SRGAP3: variants seen among roughly 807,000 people sequenced by gnomAD.
The protein encoded by SRGAP3 is SLIT-ROBO Rho GTPase activating protein 3.
In SRGAP3, 39 loss-of-function variants were observed where a neutral mutation model predicts 121.1. The ratio of observed to expected loss-of-function variants is 0.32; its 90% CI spans 0.25 to 0.42. The LOEUF is 0.42. Among genes scored for constraint, SRGAP3 ranks in the 10% least tolerant of loss-of-function variants. The pLI, the probability that SRGAP3 is intolerant of heterozygous loss-of-function variation, is 1.00. For synonymous variants in SRGAP3, 601 were observed against 570.0 expected (o/e 1.05, Z -0.77); for missense variants, 1,213 against 1,470.6 (o/e 0.82, Z 2.86).
At chr3:9,010,106 G>T (rs341787) in intron 18 of SRGAP3, among the ~76,000 whole-genome samples, 5 of 152,004 alleles carry the variant, frequency 3.3e-5, no homozygotes, top group African/African-American at 9.7e-5. Context: ...GAGCCTATGA[G>T]GATCTGCTCT....
intron 3 of SRGAP3, among the ~76,000 whole-genome samples, chr3:9,271,618 A>C (rs1242957059): frequency 3.3e-5 from 5 of 151,998 alleles, no homozygotes; most frequent in African/African-American, 1.2e-4. Context: ...GGTGTCTCAT[A>C]AACCTGTGCA....
At chr3:9,064,976 T>C (rs1013294974) in intron 4 of SRGAP3, among the ~76,000 whole-genome samples, 1 of 152,164 alleles carries the variant, frequency 6.6e-6, no homozygotes, top group Non-Finnish European at 1.5e-5. Flanking sequence ...TGCTCAGCTG[T>C]CCTCTCTAGC....
chr3:9,244,974 G>A (rs1953769888), intron 1 of SRGAP3, among the ~76,000 whole-genome samples: 1 of 152,152 alleles, frequency 6.6e-6, no homozygotes, highest in Non-Finnish European at 1.5e-5. Flanking sequence ...TTCAATCCTT[G>A]GGCTATGTTA....
intron 1 of SRGAP3, among the ~76,000 whole-genome samples, chr3:9,201,076 G>C (rs111573508): frequency 5.4e-4 from 82 of 152,268 alleles, no homozygotes; most frequent in African/African-American, 1.9e-3. Context: ...GCCAATCCTG[G>C]TCCAGATGGA....
At chr3:9,353,472 T>C (rs940321745) in intron 1 of SRGAP3, among the ~76,000 whole-genome samples, 1 of 152,204 alleles carries the variant, frequency 6.6e-6, no homozygotes, top group African/African-American at 2.4e-5. Flanking sequence ...CTTATCAACA[T>C]GAAATTCAAG....
chr3:8,999,058 T>C (rs1942587712), intron 18 of SRGAP3, among the ~76,000 whole-genome samples: 1 of 152,262 alleles, frequency 6.6e-6, no homozygotes, highest in Non-Finnish European at 1.5e-5. Flanking sequence ...TACAATGCTC[T>C]GTGTTTGATG....
At chr3:9,189,816 C>T (rs1449476123) in intron 1 of SRGAP3, among the ~76,000 whole-genome samples, 1 of 152,212 alleles carries the variant, frequency 6.6e-6, no homozygotes, top group Non-Finnish European at 1.5e-5. Flanking sequence ...AACTGACACC[C>T]AGCATCACAG....
chr3:9,183,986 T>C (rs574780661), intron 1 of SRGAP3, among the ~76,000 whole-genome samples: 13 of 152,196 alleles, frequency 8.5e-5, no homozygotes, highest in African/African-American at 3.1e-4. Flanking sequence ...CGCCTCCTCT[T>C]GGAGCTGCAT....
chr3:9,352,166 T>A (rs992444970), intron 1 of SRGAP3, among the ~76,000 whole-genome samples: 5 of 152,156 alleles, frequency 3.3e-5, no homozygotes, highest in African/African-American at 1.2e-4. Context: ...CCACCCTGCT[T>A]AGAGCCCACT....
chr3:9,197,043 C>A (rs541589705), intron 1 of SRGAP3, among the ~76,000 whole-genome samples: 46 of 152,360 alleles, frequency 3.0e-4, no homozygotes, highest in Middle Eastern at 3.4e-3. Context: ...ATACCAGGTT[C>A]TTTTTCACTC....
intron 4 of SRGAP3, among the ~76,000 whole-genome samples, chr3:9,067,380 G>A (rs546336518): frequency 3.9e-5 from 6 of 151,962 alleles, no homozygotes; most frequent in Admixed American, 2.0e-4. Flanking sequence ...GTGGAAAGAC[G>A]GCTTCTCTGC....
chr3:9,101,955 T>C (rs435323), intron 3 of SRGAP3, among the ~76,000 whole-genome samples: 54,121 of 152,142 alleles, frequency 0.36, 10,674 homozygotes, highest in Non-Finnish European at 0.46. Context: ...TGGAGAATCA[T>C]GAAAAGGTAA....
intron 1 of SRGAP3, among the ~76,000 whole-genome samples, chr3:9,203,339 A>G (rs532544861): frequency 7.7e-4 from 117 of 152,348 alleles, no homozygotes; most frequent in Middle Eastern, 3.4e-3. Context: ...ACCCTGGGAA[A>G]CCACTTAACC....
At chr3:9,301,644 G>A (rs945418933) in intron 3 of SRGAP3, among the ~76,000 whole-genome samples, 44 of 152,220 alleles carry the variant, frequency 2.9e-4, no homozygotes, top group African/African-American at 8.2e-4. Flanking sequence ...TTGAGGGGCT[G>A]TGTTTGTTGT....
intron 14 of SRGAP3, among the ~76,000 whole-genome samples, chr3:9,018,600 T>C (rs1271983992): frequency 6.6e-6 from 1 of 152,182 alleles, no homozygotes; most frequent in Non-Finnish European, 1.5e-5. Flanking sequence ...AATGTATACT[T>C]CAAAAAATGG....
intron 4 of SRGAP3, among the ~76,000 whole-genome samples, chr3:9,076,810 G>T (rs1002089917): frequency 6.6e-6 from 1 of 151,554 alleles, no homozygotes; most frequent in African/African-American, 2.4e-5. Flanking sequence ...CAGGGGCTCT[G>T]GGCACACTGT....
intron 1 of SRGAP3, among the ~76,000 whole-genome samples, chr3:9,204,214 T>C (rs1952180733): frequency 6.6e-6 from 1 of 152,218 alleles, no homozygotes; most frequent in African/African-American, 2.4e-5. Context: ...AGTAGGGCCC[T>C]GTGTGACCCT....
At chr3:9,226,126 C>T (rs1400695493) in intron 1 of SRGAP3, among the ~76,000 whole-genome samples, 5 of 152,164 alleles carry the variant, frequency 3.3e-5, no homozygotes, top group Admixed American at 1.3e-4. Context: ...CCCCAACCCC[C>T]GACCCCTATC....
chr3:9,304,622 C>T (rs17050218), intron 3 of SRGAP3, among the ~76,000 whole-genome samples: 1 of 152,238 alleles, frequency 6.6e-6, no homozygotes, highest in Admixed American at 6.5e-5. Flanking sequence ...AGCGAGTGGC[C>T]GGTGCTGTTG....
Sources: allele counts gnomAD v4.1 joint callset (sites outside exome capture counted in the v4.1 genomes callset), GRCh38; gene constraint gnomAD v4.1.1; transcripts MANE v1.5; gene names NCBI Gene and HGNC (gene_info 2026-07-23, HGNC 2026-07-21).